The following PLXDC2 variants were observed in gnomAD, a reference collection of about 807,000 sequenced individuals.
The protein encoded by PLXDC2 is plexin domain containing 2, also known as plexin domain-containing protein 2.
Under a neutral mutation model 68.9 loss-of-function variants are expected in PLXDC2, and 40 were observed. The ratio of observed to expected loss-of-function variants is 0.58; its 90% CI spans 0.45 to 0.76. The LOEUF is 0.76. PLXDC2 is among the 30% of genes least tolerant of loss of function. The pLI is 0.00. For missense variants in PLXDC2, 644 were observed against 661.9 expected (o/e 0.97, Z 0.30); for synonymous variants, 243 against 234.2 (o/e 1.04, Z -0.34).
At chr10:19,985,951 A>G (rs1245352242) in intron 1 of PLXDC2, among the ~76,000 whole-genome samples, 1 of 152,100 alleles carries the variant, frequency 6.6e-6, no homozygotes, top group East Asian at 1.9e-4. Flanking sequence ...CCTCCACTCC[A>G]GTCACACTGG....
In PLXDC2 at chr10:20,126,797, C is replaced by CGTTATATATGTATATAGAACACACAT. The variant is rs1564325350; in HGVS notation, c.542-16482_542-16481insGAACACACATGTTATATATGTATATA. 2.5e-4 allele frequency among the ~76,000 whole-genome samples: 14 copies of CGTTATATATGTATATAGAACACACAT among 56,636 alleles called. 2 individuals carry two copies. Among genetic ancestry groups the CGTTATATATGTATATAGAACACACAT allele is most frequent in the African/African-American group, 6.2e-4 (11 of 17,834 alleles). 37.2% of individuals were successfully genotyped at this position (56,636 alleles called of 152,430 possible). On this transcript the variant is annotated intron_variant, in intron 4 of 13. Transcript: ENST00000377252. ...ATGTTATATATGTATATAGAACACACGTTATATATGTATATATAACATATA... is the reference window on the plus strand; with the variant it reads ...ATGTTATATATGTATATAGAACACACGTTATATATGTATATAGAACACACATGTTATATATGTATATATAACATATA...
intron 1 of PLXDC2, among the ~76,000 whole-genome samples, chr10:19,897,437 G>A (rs1262563544): frequency 6.6e-6 from 1 of 151,772 alleles, no homozygotes; most frequent in Non-Finnish European, 1.5e-5. Flanking sequence ...TAGAGAGGGG[G>A]TTTCTCCACG....
chr10:19,891,855 C>T (rs1837969690), intron 1 of PLXDC2, among the ~76,000 whole-genome samples: 1 of 152,166 alleles, frequency 6.6e-6, no homozygotes, highest in Non-Finnish European at 1.5e-5. Context: ...TGTGAAATTG[C>T]TTCTTTGATT....
intron 1 of PLXDC2, among the ~76,000 whole-genome samples, chr10:19,913,305 T>C (rs2131375486): frequency 6.6e-6 from 1 of 152,208 alleles, no homozygotes; most frequent in East Asian, 1.9e-4. Context: ...CTCCCCTTTC[T>C]CTCTTTTCCT....
intron 6 of PLXDC2, among the ~76,000 whole-genome samples, chr10:20,156,911 G>T (rs1834224603): frequency 6.6e-6 from 1 of 152,084 alleles, no homozygotes; most frequent in South Asian, 2.1e-4. Context: ...TTAATATTTT[G>T]GACTTTATGT....
At chr10:19,979,404 A>G (rs1303415790) in intron 1 of PLXDC2, among the ~76,000 whole-genome samples, 1 of 144,136 alleles carries the variant, frequency 6.9e-6, no homozygotes, top group African/African-American at 2.6e-5. Flanking sequence ...TTTTAGACTG[A>G]GTCTTGCTTT....
At chr10:19,876,085 G>C (rs1837625196) in intron 1 of PLXDC2, among the ~76,000 whole-genome samples, 1 of 152,072 alleles carries the variant, frequency 6.6e-6, no homozygotes, top group African/African-American at 2.4e-5. Flanking sequence ...CTGGTTCCTA[G>C]TTTATCCTTC....
intron 4 of PLXDC2, among the ~76,000 whole-genome samples, chr10:20,123,316 G>T (rs577146889): frequency 6.6e-6 from 1 of 152,100 alleles, no homozygotes; most frequent in Admixed American, 6.5e-5. Flanking sequence ...AGACAGGAGG[G>T]AAAGAAGGAA....
chr10:20,049,149 C>T (rs1271413573), intron 3 of PLXDC2, among the ~76,000 whole-genome samples: 5 of 151,970 alleles, frequency 3.3e-5, no homozygotes, highest in Admixed American at 3.3e-4. Context: ...AAGCTATCAA[C>T]AAAATTCAAC....
At chr10:19,908,607 G>A (rs1273194177) in intron 1 of PLXDC2, among the ~76,000 whole-genome samples, 1 of 151,964 alleles carries the variant, frequency 6.6e-6, no homozygotes, top group Non-Finnish European at 1.5e-5. Context: ...CGAGTCAAAG[G>A]TATTCTCAGG....
intron 1 of PLXDC2, among the ~76,000 whole-genome samples, chr10:19,924,682 T>C (rs560918455): frequency 2.0e-5 from 3 of 152,162 alleles, no homozygotes; most frequent in African/African-American, 7.2e-5. Context: ...TGTAAATCAT[T>C]TGGAGGAGAT....
intron 9 of PLXDC2, among the ~76,000 whole-genome samples, chr10:20,190,300 C>G (rs1372756150): frequency 1.3e-5 from 2 of 151,706 alleles, no homozygotes; most frequent in Non-Finnish European, 2.9e-5. Flanking sequence ...CTTGCTTGCA[C>G]TAATAAAATG....
chr10:20,069,153 AT>A, intron 4 of PLXDC2, among the ~76,000 whole-genome samples: 1 of 151,972 alleles, frequency 6.6e-6, no homozygotes, highest in South Asian at 2.1e-4. Flanking sequence ...CATGTTAAGT[AT>A]TGCCATTTTT....
chr10:20,124,001 T>C (rs1833735861), intron 4 of PLXDC2, among the ~76,000 whole-genome samples: 2 of 151,102 alleles, frequency 1.3e-5, no homozygotes, highest in African/African-American at 4.9e-5. Context: ...GGTTGGGGGT[T>C]TCTTGCCCCC....
chr10:19,897,814 T>G (rs1176180553), intron 1 of PLXDC2, among the ~76,000 whole-genome samples: 1 of 152,130 alleles, frequency 6.6e-6, no homozygotes, highest in Non-Finnish European at 1.5e-5. Context: ...AATTTGAGAA[T>G]ATGTGGGATT....
At chr10:20,136,911 A>G (rs1833941577) in intron 4 of PLXDC2, among the ~76,000 whole-genome samples, 1 of 152,210 alleles carries the variant, frequency 6.6e-6, no homozygotes. Flanking sequence ...TTACTGTGAC[A>G]CTTCCAATTA....
At chr10:19,817,220 T>A in intron 1 of PLXDC2, 29 bp downstream of exon 1, 1 of 1,531,268 alleles carries the variant, frequency 6.5e-7, no homozygotes, top group Non-Finnish European at 8.9e-7. Context: ...AGCTTGCTGA[T>A]TTTGTGCGCA....
At chr10:20,116,439 A>G (rs1263683288) in intron 4 of PLXDC2, among the ~76,000 whole-genome samples, 6 of 151,844 alleles carry the variant, frequency 4.0e-5, no homozygotes, top group Non-Finnish European at 7.4e-5. Flanking sequence ...TCTCCCTGTT[A>G]TCAGTAATCT....
intron 1 of PLXDC2, among the ~76,000 whole-genome samples, chr10:19,937,557 T>TATATATATATATATATATAC (rs1833745784): frequency 2.5e-5 from 2 of 81,276 alleles, no homozygotes; most frequent in African/African-American, 9.9e-5. Context: ...TATATATATA[T>TATATATATATATATATATAC]ATATATATAT....
Sources: gnomAD v4.1 joint callset for allele counts (sites outside exome capture counted in the v4.1 genomes callset) on GRCh38, gnomAD v4.1.1 for gene constraint, MANE v1.5 for transcripts, NCBI Gene and HGNC (gene_info 2026-07-23, HGNC 2026-07-21) for gene names.